PCDHA1: variants seen among roughly 807,000 people sequenced by gnomAD.
PCDHA1 encodes the protein protocadherin alpha-1.
In PCDHA1, 42 loss-of-function variants were observed where a neutral mutation model predicts 61.3. The ratio of observed to expected loss-of-function variants is 0.69; its 90% CI spans 0.54 to 0.89. The LOEUF is 0.89. Among genes scored for constraint, PCDHA1 ranks in the 40% least tolerant of loss-of-function variants. PCDHA1 has a pLI of 0.00. For synonymous variants in PCDHA1, 610 were observed against 553.8 expected (o/e 1.10, Z -1.43); for missense variants, 1,256 against 1,235.3 (o/e 1.02, Z -0.25).
At chr5:140,828,068 G>A (rs1448690269) in intron 1 of PCDHA1, 1 of 1,561,610 alleles carries the variant, frequency 6.4e-7, no homozygotes, top group African/African-American at 1.4e-5. Context: ...TCTTCTAATG[G>A]AAATAAAACC....
At chr5:140,851,005 T>C in intron 1 of PCDHA1, 1 of 1,432,862 alleles carries the variant, frequency 7.0e-7, no homozygotes, top group Non-Finnish European at 9.2e-7. Flanking sequence ...ATCCAGCAGA[T>C]TTTTTTTCTG....
At chr5:140,830,468 G>A in intron 1 of PCDHA1, 1 of 1,571,084 alleles carries the variant, frequency 6.4e-7, no homozygotes, top group South Asian at 1.2e-5. Flanking sequence ...GGATTTAAAT[G>A]AAGATCATGA....
chr5:140,822,245 C>A, intron 1 of PCDHA1: 2 of 1,614,182 alleles, frequency 1.2e-6, no homozygotes, highest in Non-Finnish European at 1.7e-6. Context: ...GAGGGCGCGT[C>A]GGATTTGGAT....
chr5:140,853,742 G>A, intron 1 of PCDHA1: 1 of 988,574 alleles, frequency 1.0e-6, no homozygotes, highest in Non-Finnish European at 1.2e-6. Context: ...GAATGTTCTG[G>A]TTCAAGGCTC....
chr5:140,963,196 GA>G (rs199602110), intron 1 of PCDHA1, among the ~76,000 whole-genome samples: 26 of 147,674 alleles, frequency 1.8e-4, no homozygotes, highest in South Asian at 4.3e-4. Context: ...CTGTGAAAAT[GA>G]AAAAAAAAAC....
At chr5:140,899,518 C>T (rs546972156) in intron 1 of PCDHA1, among the ~76,000 whole-genome samples, 145 of 152,230 alleles carry the variant, frequency 9.5e-4, no homozygotes, top group African/African-American at 2.6e-3. Context: ...TATTGCATCC[C>T]AGGGATGAAG....
chr5:140,882,929 G>A, intron 1 of PCDHA1: 1 of 1,614,160 alleles, frequency 6.2e-7, no homozygotes, highest in Non-Finnish European at 8.5e-7. Context: ...AGGTAAACCC[G>A]AGCTGACTGG....
At chr5:140,911,607 T>C (rs1309017145) in intron 1 of PCDHA1, among the ~76,000 whole-genome samples, 1 of 152,222 alleles carries the variant, frequency 6.6e-6, no homozygotes, top group African/African-American at 2.4e-5. Context: ...CTTCATTATG[T>C]TCCTTAGTTC....
rs773891459 is a variant in PCDHA1, at chr5:140,856,191, C to T, written c.2394+67507C>T. The T allele has an allele frequency of 7.5e-6, 12 of 1,598,058 alleles. No homozygotes were observed. The South Asian group carries it at 1.2e-4, about 16-fold the overall frequency. On this transcript the variant is annotated intron_variant, in intron 1 of 3. Transcript: ENST00000504120. ...CACGGCACCTTCGTGGGCCGCATCG[C>T]GCAGGACCTGGGGCTGGAGCTGGCG...
intron 1 of PCDHA1, among the ~76,000 whole-genome samples, chr5:140,800,620 G>A (rs1762582323): frequency 6.6e-6 from 1 of 152,118 alleles, no homozygotes; most frequent in African/African-American, 2.4e-5. Context: ...AAATCCCATC[G>A]TACCAAGAGA....
At chr5:140,881,277 A>G (rs1370714709) in intron 1 of PCDHA1, 5 of 731,680 alleles carry the variant, frequency 6.8e-6, no homozygotes, top group Non-Finnish European at 8.4e-6. Flanking sequence ...ATGAAGTAAG[A>G]TGGAGAGAGA....
chr5:140,788,633 C>G lies in PCDHA1; in HGVS notation c.2343C>G (p.Asn781Lys). 6.2e-7 allele frequency: 1 copy of G among 1,608,654 alleles called. No homozygotes were observed. The highest frequency in any genetic ancestry group is 1.1e-5 in the South Asian group (1 of 90,562). Residue 781 changes from asparagine (N) to lysine (K), a missense_variant, in exon 1 of 4, where the codon AAC (asparagine) becomes AAG (lysine). Asn to Lys is a moderately conservative substitution (Grantham distance 94). Transcript: ENST00000504120. ...AFSPGLSPSL[N>K]TSERNEQPEA... ...GCCCAGGCCTATCTCCAAGTCTTAA[C>G]ACGTCAGAAAGAAATGAACAACCAG...
intron 1 of PCDHA1, chr5:140,803,751 G>A: frequency 7.7e-7 from 1 of 1,306,290 alleles, no homozygotes; most frequent in Non-Finnish European, 1.0e-6. Flanking sequence ...TAAGATTTTT[G>A]TTGCTAATTT....
intron 3 of PCDHA1, among the ~76,000 whole-genome samples, chr5:140,985,628 T>C (rs1399381029): frequency 6.6e-6 from 1 of 152,116 alleles, no homozygotes; most frequent in Non-Finnish European, 1.5e-5. Flanking sequence ...TGTGTATTGC[T>C]CTTCTCATCC....
chr5:140,879,491 T>G (rs2153367311), intron 1 of PCDHA1, among the ~76,000 whole-genome samples: 1 of 152,338 alleles, frequency 6.6e-6, no homozygotes. Flanking sequence ...AATATGGGTC[T>G]GGATCTCAGA....
intron 1 of PCDHA1, chr5:140,884,027 G>C (rs2059948411): frequency 6.2e-7 from 1 of 1,613,258 alleles, no homozygotes; most frequent in Admixed American, 1.7e-5. Context: ...GTCGGTGGGT[G>C]CAGGCCACGT....
intron 1 of PCDHA1, chr5:140,803,799 T>C (rs1763283196): frequency 2.5e-6 from 2 of 793,254 alleles, no homozygotes; most frequent in Non-Finnish European, 3.9e-6. Flanking sequence ...TATCCACACT[T>C]GTAATTTTGT....
At chr5:140,864,745 T>G (rs528957668) in intron 1 of PCDHA1, 1 of 152,328 alleles carries the variant, frequency 6.6e-6, no homozygotes, top group Non-Finnish European at 1.5e-5. Flanking sequence ...GAGCACCGAT[T>G]ATACTCATTT....
intron 3 of PCDHA1, among the ~76,000 whole-genome samples, chr5:140,991,361 G>C (rs1183124741): frequency 6.6e-6 from 1 of 152,200 alleles, no homozygotes; most frequent in Non-Finnish European, 1.5e-5. Context: ...ACTATTTACT[G>C]TCTGAGTTCT....
Sources: allele counts gnomAD v4.1 joint callset (sites outside exome capture counted in the v4.1 genomes callset), GRCh38; gene constraint gnomAD v4.1.1; transcripts MANE v1.5; gene names NCBI Gene and HGNC (gene_info 2026-07-23, HGNC 2026-07-21).